DMXL2: variants seen among roughly 807,000 people sequenced by gnomAD.
The protein encoded by DMXL2 is dmX-like protein 2.
In DMXL2, 103 loss-of-function variants were observed where a neutral mutation model predicts 331.1. That is an observed-to-expected ratio of 0.31 (90% CI 0.27 to 0.37). The LOEUF (loss-of-function observed/expected upper bound fraction) is 0.37. Among genes scored for constraint, DMXL2 ranks in the 10% least tolerant of loss-of-function variants. The pLI is 1.00. For synonymous variants in DMXL2, 1,281 were observed against 1,252.1 expected, an observed-to-expected ratio of 1.02 and a Z score of -0.49; for missense variants, 3,171 against 3,642.9, an observed-to-expected ratio of 0.87 and a Z score of 3.33.
At chr15:51,465,705 A>T (rs1267234200) in intron 30 of DMXL2, 54 bp from the exon 31 acceptor site, 3 of 1,305,636 alleles carry the variant, frequency 2.3e-6, no homozygotes, top group Non-Finnish European at 3.2e-6. Context: ...ATCATGGGAG[A>T]AACAGAGTGG....
rs985694399 is a variant in DMXL2, at chr15:51,618,333, C to T, written c.87+4126G>A. On this transcript the variant is annotated intron_variant, in intron 1 of 43. Coordinates refer to ENST00000560891, the MANE Select transcript of DMXL2 (RefSeq NM_001378457.1). ...TAATTCTTTTTTTTTTTTTTTAATA[C>T]CCACAAAGCTTAGCACACCTATGTG... Among the ~76,000 whole-genome samples the T allele has an allele frequency of 8.0e-5, 12 of 150,634 alleles. 1 individual carries two copies. The highest frequency in any genetic ancestry group is 1.5e-4 in the Non-Finnish European group (10 of 67,760).
intron 16 of DMXL2, among the ~76,000 whole-genome samples, chr15:51,503,905 G>T (rs963411639): frequency 6.6e-6 from 1 of 151,594 alleles, no homozygotes; most frequent in Non-Finnish European, 1.5e-5. Flanking sequence ...TCAAACTTTT[G>T]CTTAGTTACC....
rs1485745603 is a variant in DMXL2, at chr15:51,594,707, T to G, written c.88-18526A>C. Among the ~76,000 whole-genome samples, 11 of 152,282 alleles carry G rather than the reference T, an allele frequency of 7.2e-5. No individual in the cohort carries two copies. In the East Asian group the frequency reaches 1.9e-3, roughly 27 times the overall value. On this transcript the variant is annotated intron_variant, in intron 1 of 43. Coordinates refer to ENST00000560891, the MANE Select transcript of DMXL2 (RefSeq NM_001378457.1). ...CAAATCCAGCAGCACATCAAGAAGC[T>G]TATCCACCATGATCAAGTGGGCTTC...
At chr15:51,506,859 G>C (rs1426859499) in intron 16 of DMXL2, among the ~76,000 whole-genome samples, 1 of 152,160 alleles carries the variant, frequency 6.6e-6, no homozygotes, top group Non-Finnish European at 1.5e-5. Context: ...ATCTAGAACA[G>C]TCATAATGTA....
At chr15:51,517,954 T>C (rs1431889418) in intron 13 of DMXL2, among the ~76,000 whole-genome samples, 1 of 152,092 alleles carries the variant, frequency 6.6e-6, no homozygotes, top group African/African-American at 2.4e-5. Context: ...GAAAAAAATA[T>C]GTAGTTAGGT....
At chr15:51,494,326 A>G (rs1313000339) in intron 19 of DMXL2, among the ~76,000 whole-genome samples, 1 of 152,162 alleles carries the variant, frequency 6.6e-6, no homozygotes, top group African/African-American at 2.4e-5. Context: ...CTAGTGTTCT[A>G]GGTTCTATAA....
At chr15:51,521,470 G>GTAGTAGTAGTAGTAGTGGTAGTA (rs1430786515) in intron 13 of DMXL2, among the ~76,000 whole-genome samples, 1 of 148,958 alleles carries the variant, frequency 6.7e-6, no homozygotes, top group Non-Finnish European at 1.5e-5. Context: ...TAGTGGTAGT[G>GTAGTAGTAGTAGTAGTGGTAGTA]GTAGTAGTAG....
In DMXL2 at chr15:51,463,501, TA is replaced by T. The variant is rs746074258; in HGVS notation, c.7809-6del. 4.4e-4 allele frequency: 674 copies of T among 1,514,704 alleles called. 1 individual carries two copies. Among genetic ancestry groups the T allele is most frequent in the East Asian group, 6.0e-4 (26 of 43,376 alleles). The allele number at this position is 1,514,704 out of a possible 1,614,324, so 93.8% of individuals were successfully genotyped here. On this transcript the variant is annotated splice_region_variant and splice_polypyrimidine_tract_variant and intron_variant, in intron 32 of 43. Coordinates refer to ENST00000560891, the MANE Select transcript of DMXL2 (RefSeq NM_001378457.1). ...AATGCAGAAGAATCCCGGGACCTAT[TA>T]AAAAAAATTAACATATCACACTACT... is the stretch of plus-strand genomic sequence containing the variant.
At chr15:51,530,104 A>ATGTT (rs1225912051) in intron 13 of DMXL2, among the ~76,000 whole-genome samples, 13 of 152,144 alleles carry the variant, frequency 8.5e-5, no homozygotes, top group African/African-American at 2.7e-4. Flanking sequence ...GAAGGAACAT[A>ATGTT]CCTTCTATAC....
At chr15:51,591,735 C>T (rs969866623) in intron 1 of DMXL2, among the ~76,000 whole-genome samples, 2 of 152,150 alleles carry the variant, frequency 1.3e-5, no homozygotes, top group African/African-American at 4.8e-5. Context: ...ACAAAACTTC[C>T]AGAGGAACGA....
chr15:51,606,509 G>A (rs1478925303), intron 1 of DMXL2, among the ~76,000 whole-genome samples: 2 of 152,076 alleles, frequency 1.3e-5, no homozygotes, highest in Non-Finnish European at 2.9e-5. Context: ...GTAGAGATTC[G>A]CATCTGTCTT....
chr15:51,560,873 G>A lies in DMXL2; in HGVS notation c.567+2508C>T, dbSNP rs116375982. Among the ~76,000 whole-genome samples, 515 of 151,832 alleles carry A rather than the reference G, an allele frequency of 3.4e-3. 6 individuals carry two copies. The highest frequency in any genetic ancestry group is 0.012 in the African/African-American group (492 of 41,440). On this transcript the variant is annotated intron_variant, in intron 6 of 43. Transcript: ENST00000560891. ...ATGGAGAAAGATAAAGGACCCATTT[G>A]TTTTATGTTCTTTGTCTCAAGTTGA...
At chr15:51,550,069 T>C (rs1243596479) in intron 6 of DMXL2, among the ~76,000 whole-genome samples, 1 of 152,180 alleles carries the variant, frequency 6.6e-6, no homozygotes, top group African/African-American at 2.4e-5. Flanking sequence ...ATCAAAAAGA[T>C]TGTCTACCAT....
chr15:51,490,796 C>G (rs1012875633), intron 20 of DMXL2, among the ~76,000 whole-genome samples: 1 of 152,158 alleles, frequency 6.6e-6, no homozygotes, highest in East Asian at 1.9e-4. Context: ...ATAGCCATTT[C>G]ACTTGCTGCC....
At chr15:51,557,009 G>A (rs905085441) in intron 6 of DMXL2, among the ~76,000 whole-genome samples, 24 of 151,470 alleles carry the variant, frequency 1.6e-4, no homozygotes, top group African/African-American at 4.9e-4. Flanking sequence ...TTGTCACCAC[G>A]TTTATTCAGC....
intron 1 of DMXL2, among the ~76,000 whole-genome samples, chr15:51,611,272 A>C (rs2053952787): frequency 6.6e-6 from 1 of 152,220 alleles, no homozygotes; most frequent in African/African-American, 2.4e-5. Context: ...TAATGACAAA[A>C]GAAGCAACAG....
chr15:51,599,156 A>G (rs2053047649), intron 1 of DMXL2, among the ~76,000 whole-genome samples: 1 of 152,238 alleles, frequency 6.6e-6, no homozygotes, highest in Non-Finnish European at 1.5e-5. Context: ...AGCTAGCTCC[A>G]GTGTCATTAT....
At chr15:51,618,851 T>C (rs1479392381) in intron 1 of DMXL2, among the ~76,000 whole-genome samples, 1 of 152,218 alleles carries the variant, frequency 6.6e-6, no homozygotes, top group African/African-American at 2.4e-5. Flanking sequence ...ATTATATAAA[T>C]CATTTTAATC....
chr15:51,483,723 T>C (rs1453588922), intron 23 of DMXL2, among the ~76,000 whole-genome samples: 4 of 151,896 alleles, frequency 2.6e-5, no homozygotes, highest in Non-Finnish European at 5.9e-5. Flanking sequence ...GCCTGAGAAA[T>C]AGTCCTTCGA....
Sources: gnomAD v4.1 joint callset for allele counts (sites outside exome capture counted in the v4.1 genomes callset) on GRCh38, gnomAD v4.1.1 for gene constraint, MANE v1.5 for transcripts, NCBI Gene and HGNC (gene_info 2026-07-23, HGNC 2026-07-21) for gene names.